LRRTM3: variants seen among roughly 807,000 people sequenced by gnomAD.
The protein encoded by LRRTM3 is leucine-rich repeat transmembrane neuronal protein 3.
A neutral mutation model predicts 44.7 loss-of-function variants in LRRTM3; 24 were observed. That is an observed-to-expected ratio of 0.54 (90% CI 0.39 to 0.76). LRRTM3 has a LOEUF of 0.76. Among genes scored for constraint, LRRTM3 ranks in the 30% least tolerant of loss-of-function variants. LRRTM3 has a pLI of 0.00. For missense variants in LRRTM3, 587 were observed against 702.2 expected (o/e 0.84, Z 1.85); for synonymous variants, 277 against 278.7 (o/e 0.99, Z 0.06).
rs146219701 is a variant in LRRTM3 at position 67,083,315 on chromosome 10, A to G, written c.1537-14272A>G. On this transcript the variant is annotated intron_variant, in intron 2 of 2. Transcript: ENST00000361320. ...TTTAATACACTATGAAGACCAAGCA[A>G]TCAATATAATGATTAGGAAACAGTT... 1.8e-3 allele frequency among the ~76,000 whole-genome samples: 275 copies of G among 152,260 alleles called. 3 individuals carry two copies. The highest frequency in any genetic ancestry group is 5.8e-3 in the African/African-American group (239 of 41,546).
At chr10:67,015,965 TC>T (rs1286702836) in intron 2 of LRRTM3, among the ~76,000 whole-genome samples, 15 of 152,316 alleles carry the variant, frequency 9.8e-5, no homozygotes, top group African/African-American at 3.1e-4. Context: ...GTCATTTTTT[TC>T]ATTTCCATTT....
chr10:67,062,037 T>C (rs1309726845), intron 2 of LRRTM3, among the ~76,000 whole-genome samples: 5 of 152,148 alleles, frequency 3.3e-5, no homozygotes, highest in Admixed American at 1.3e-4. Flanking sequence ...GAAAGAACAT[T>C]GAAGAACAGA....
chr10:66,974,222 A>G (rs1289255162), intron 2 of LRRTM3, among the ~76,000 whole-genome samples: 2 of 152,182 alleles, frequency 1.3e-5, no homozygotes, highest in Non-Finnish European at 2.9e-5. Context: ...TCTTTTGCTC[A>G]TTACAAGTTT....
chr10:66,991,536 G>T (rs1851036988), intron 2 of LRRTM3, among the ~76,000 whole-genome samples: 1 of 152,072 alleles, frequency 6.6e-6, no homozygotes, highest in African/African-American at 2.4e-5. Flanking sequence ...TGTAGACTCA[G>T]TGAAAACAAA....
At chr10:66,970,478 C>T (rs1289215409) in intron 2 of LRRTM3, among the ~76,000 whole-genome samples, 3 of 140,728 alleles carry the variant, frequency 2.1e-5, no homozygotes, top group South Asian at 4.6e-4. Context: ...CAGAAATACT[C>T]CACAAAAGGT....
At chr10:67,022,771 G>A (rs2894025) in intron 2 of LRRTM3, among the ~76,000 whole-genome samples, 137,117 of 151,870 alleles carry the variant, frequency 0.9, 62,317 homozygotes, top group South Asian at 0.97. Context: ...CCCTGTCTCT[G>A]CTAAAAATAC....
In LRRTM3 at chr10:67,029,064, A is replaced by T. The variant is rs990252514; in HGVS notation, c.1537-68523A>T. On this transcript the variant is annotated intron_variant, in intron 2 of 2. Coordinates refer to ENST00000361320, the MANE Select transcript of LRRTM3 (RefSeq NM_178011.5). ...CTAGCCCAGGAGTATATGTGGATGT[A>T]AGAGCACACTACGGTGAGTTCAAAA... Among the ~76,000 whole-genome samples the T allele has an allele frequency of 6.5e-4, 99 of 152,164 alleles. 1 individual carries two copies. The highest frequency in any genetic ancestry group is 2.2e-3 in the African/African-American group (93 of 41,444).
intron 2 of LRRTM3, among the ~76,000 whole-genome samples, chr10:67,091,703 G>T (rs1245537654): frequency 1.3e-5 from 2 of 152,064 alleles, no homozygotes; most frequent in Non-Finnish European, 2.9e-5. Context: ...GATGAGAGAT[G>T]TGTGTGCCTG....
intron 2 of LRRTM3, among the ~76,000 whole-genome samples, chr10:67,022,662 GC>G: frequency 6.6e-6 from 1 of 152,236 alleles, no homozygotes; most frequent in East Asian, 1.9e-4. Context: ...TGAAGGCCGG[GC>G]ACGGTGGTTC....
rs187187272 is a variant in LRRTM3, at chr10:67,003,913, C to G, written c.1536+75461C>G. On this transcript the variant is annotated intron_variant, in intron 2 of 2. Transcript: ENST00000361320. ...GAAGAGAATAAACTGTGAGACTATA[C>G]CTTGCACATGTTTTTTATTGCATGA... Among the ~76,000 whole-genome samples, 32 of 152,202 alleles carry G rather than the reference C, an allele frequency of 2.1e-4. 1 individual carries two copies. The highest frequency in any genetic ancestry group is 9.2e-4 in the Admixed American group (14 of 15,286).
intron 2 of LRRTM3, among the ~76,000 whole-genome samples, chr10:67,036,101 T>C (rs926821520): frequency 2.6e-5 from 4 of 152,176 alleles, no homozygotes; most frequent in African/African-American, 9.7e-5. Context: ...TAGACCTTAG[T>C]AGAGATAGTC....
chr10:66,961,230 G>T, intron 2 of LRRTM3, among the ~76,000 whole-genome samples: 1 of 151,980 alleles, frequency 6.6e-6, no homozygotes, highest in Non-Finnish European at 1.5e-5. Flanking sequence ...CTATTGTTTT[G>T]TATAGTCTCT....
At chr10:67,052,906 A>G (rs1484543588) in intron 2 of LRRTM3, among the ~76,000 whole-genome samples, 1 of 152,228 alleles carries the variant, frequency 6.6e-6, no homozygotes, top group East Asian at 1.9e-4. Flanking sequence ...ATACAGCTGA[A>G]GCAATAATAG....
At chr10:66,946,155 G>A (rs1848264628) in intron 2 of LRRTM3, among the ~76,000 whole-genome samples, 1 of 152,084 alleles carries the variant, frequency 6.6e-6, no homozygotes, top group Admixed American at 6.6e-5. Context: ...TATCTGCAAA[G>A]TGCAATAAAA....
chr10:66,935,503 A>G (rs2132657782), intron 2 of LRRTM3, among the ~76,000 whole-genome samples: 1 of 152,162 alleles, frequency 6.6e-6, no homozygotes, highest in African/African-American at 2.4e-5. Flanking sequence ...TGGCACCAAT[A>G]GAGGGTTAGG....
intron 2 of LRRTM3, among the ~76,000 whole-genome samples, chr10:66,938,437 GA>G (rs1290659724): frequency 6.6e-6 from 1 of 151,950 alleles, no homozygotes; most frequent in Non-Finnish European, 1.5e-5. Flanking sequence ...AAGTAAGCTA[GA>G]AAAATGAAAA....
chr10:67,014,903 T>C (rs1453375573), intron 2 of LRRTM3, among the ~76,000 whole-genome samples: 2 of 152,082 alleles, frequency 1.3e-5, no homozygotes, highest in Admixed American at 6.6e-5. Flanking sequence ...TGAAATCAAA[T>C]TATATATGCA....
intron 2 of LRRTM3, among the ~76,000 whole-genome samples, chr10:66,975,894 T>TA (rs1356128647): frequency 1.3e-5 from 2 of 152,232 alleles, no homozygotes; most frequent in African/African-American, 4.8e-5. Context: ...AGTATATCAA[T>TA]ACCTCCTTAT....
At chr10:66,985,047 T>C (rs889208636) in intron 2 of LRRTM3, among the ~76,000 whole-genome samples, 1 of 152,220 alleles carries the variant, frequency 6.6e-6, no homozygotes, top group African/African-American at 2.4e-5. Context: ...TCCCTGCCTT[T>C]GTTTCTTTGT....
Sources: allele counts gnomAD v4.1 joint callset (sites outside exome capture counted in the v4.1 genomes callset), GRCh38; gene constraint gnomAD v4.1.1; transcripts MANE v1.5; gene names NCBI Gene and HGNC (gene_info 2026-07-23, HGNC 2026-07-21).